Variants in GABPB1 observed in about 807,000 individuals in gnomAD.
GABPB1 encodes GA-binding protein subunit beta-1.
In GABPB1, 15 loss-of-function variants were observed where a neutral mutation model predicts 45.9. The ratio of observed to expected loss-of-function variants is 0.33; its 90% CI spans 0.22 to 0.50. The LOEUF (loss-of-function observed/expected upper bound fraction) is 0.50. Among genes scored for constraint, GABPB1 ranks in the 20% least tolerant of loss-of-function variants. GABPB1 has a pLI of 0.98. For synonymous variants in GABPB1, 143 were observed against 154.4 expected (o/e 0.93, Z 0.55); for missense variants, 252 against 457.5 (o/e 0.55, Z 4.10).
chr15:50,334,215 T>C (rs1248235300), intron 1 of GABPB1, among the ~76,000 whole-genome samples: 2 of 152,152 alleles, frequency 1.3e-5, no homozygotes, highest in African/African-American at 4.8e-5. Context: ...AATTCTGGTT[T>C]GGTATCTTTC....
intron 1 of GABPB1, among the ~76,000 whole-genome samples, chr15:50,326,251 T>C (rs1164820417): frequency 1.3e-5 from 2 of 152,160 alleles, no homozygotes; most frequent in African/African-American, 4.8e-5. Context: ...TGGTGGTTCA[T>C]GCCCATAATC....
chr15:50,320,711 C>T (rs2047536862), intron 1 of GABPB1, among the ~76,000 whole-genome samples: 1 of 152,256 alleles, frequency 6.6e-6, no homozygotes, highest in East Asian at 1.9e-4. Context: ...AATCACAAGA[C>T]TTCTTATAAG....
rs2045833332 is a variant in GABPB1 at position 50,275,931 on chromosome 15, G to GT, written c.*2700_*2701insA. 1 of 152,172 alleles carries GT rather than the reference G, an allele frequency of 6.6e-6. No individual in the cohort carries two copies. The highest frequency in any genetic ancestry group is 2.1e-4 in the South Asian group (1 of 4,828). The allele number at this position is 152,172 out of a possible 1,614,324, so 9.4% of individuals were successfully genotyped here. On this transcript the variant is annotated 3_prime_UTR_variant, in exon 9 of 9. Coordinates refer to ENST00000380877, the MANE Select transcript of GABPB1 (RefSeq NM_016654.5). ...CTAGAGGTCCAGGGACTATACAGAG[G>GT]GAAGTGTTAAATCTGAATAAAGTAA... is the stretch of plus-strand genomic sequence containing the variant.
chr15:50,310,399 G>A (rs969897134), intron 1 of GABPB1, among the ~76,000 whole-genome samples: 24 of 152,174 alleles, frequency 1.6e-4, no homozygotes, highest in Non-Finnish European at 1.0e-4. Flanking sequence ...AGCCAAGCTG[G>A]TCTAAAATTT....
chr15:50,345,703 T>C (rs2048544355), intron 1 of GABPB1, among the ~76,000 whole-genome samples: 3 of 140,552 alleles, frequency 2.1e-5, no homozygotes, highest in Non-Finnish European at 3.1e-5. Context: ...AGTACAGATG[T>C]CTGTACATTT....
intron 1 of GABPB1, among the ~76,000 whole-genome samples, chr15:50,344,061 C>T (rs1467774337): frequency 1.3e-5 from 2 of 152,180 alleles, no homozygotes; most frequent in East Asian, 1.9e-4. Context: ...TTGTTCATTA[C>T]TATAACATCA....
intron 1 of GABPB1, among the ~76,000 whole-genome samples, chr15:50,310,831 G>T (rs1271455250): frequency 2.0e-5 from 3 of 151,922 alleles, no homozygotes; most frequent in Non-Finnish European, 4.4e-5. Flanking sequence ...TAAAAAATTG[G>T]CTGGGCATGG....
chr15:50,287,654 G>C (rs1452508155), intron 7 of GABPB1, among the ~76,000 whole-genome samples: 1 of 152,214 alleles, frequency 6.6e-6, no homozygotes, highest in Admixed American at 6.5e-5. Context: ...TTAGCCTTCA[G>C]AGCTGTGAGA....
At chr15:50,340,268 T>C (rs2048302532) in intron 1 of GABPB1, among the ~76,000 whole-genome samples, 1 of 152,304 alleles carries the variant, frequency 6.6e-6, no homozygotes, top group Admixed American at 6.5e-5. Context: ...ATTTCTATTG[T>C]TTATAAGTCA....
intron 7 of GABPB1, 92 bp from the exon 8 acceptor site, chr15:50,286,275 A>G: frequency 3.8e-6 from 3 of 789,400 alleles, no homozygotes; most frequent in Non-Finnish European, 5.5e-6. Flanking sequence ...CTACTCATCT[A>G]AAATAACTAC....
intron 1 of GABPB1, among the ~76,000 whole-genome samples, chr15:50,323,825 C>G (rs1481958712): frequency 6.6e-6 from 1 of 152,128 alleles, no homozygotes; most frequent in Non-Finnish European, 1.5e-5. Context: ...TGAGCCATGA[C>G]TGTGCCACTG....
chr15:50,300,925 T>C (rs1363068660), intron 5 of GABPB1, 23 bp from the exon 6 acceptor site: 2 of 1,381,520 alleles, frequency 1.4e-6, no homozygotes, highest in Non-Finnish European at 2.1e-6. Flanking sequence ...AGAAAATAGA[T>C]TTGAATTTCT....
chr15:50,344,284 C>T (rs74767735), intron 1 of GABPB1, among the ~76,000 whole-genome samples: 3,082 of 152,264 alleles, frequency 0.02, 105 homozygotes, highest in African/African-American at 0.071. Context: ...TTGTAAACAA[C>T]TGGGAGTCAT....
At chr15:50,291,421 C>T (rs746925296) in intron 6 of GABPB1, among the ~76,000 whole-genome samples, 41 of 151,688 alleles carry the variant, frequency 2.7e-4, no homozygotes, top group Non-Finnish European at 2.1e-4. Context: ...CGAGTTCAAG[C>T]GATTCTTCTG....
intron 1 of GABPB1, among the ~76,000 whole-genome samples, chr15:50,333,054 CTT>C (rs1366780407): frequency 2.0e-5 from 3 of 151,182 alleles, no homozygotes; most frequent in Non-Finnish European, 2.9e-5. Context: ...GGCTTAATAA[CTT>C]ATTAATAACT....
rs2045861021 is a variant in GABPB1, at chr15:50,277,625, A to AT, written c.*1006dup. 2 of 152,508 alleles carry AT rather than the reference A, an allele frequency of 1.3e-5. No homozygotes were observed. The highest frequency in any genetic ancestry group is 6.5e-5 in the Admixed American group (1 of 15,272). The allele number at this position is 152,508 out of a possible 1,614,324, so 9.4% of individuals were successfully genotyped here. On this transcript the variant is annotated 3_prime_UTR_variant, in exon 9 of 9. Coordinates refer to ENST00000380877, the MANE Select transcript of GABPB1 (RefSeq NM_016654.5). ...AGTTCCTGTTCTACATACAAAAGCA[A>AT]TTTTTTTCCGTAAGAATCATTTCCT...
At chr15:50,310,162 G>A (rs995270237) in intron 1 of GABPB1, among the ~76,000 whole-genome samples, 2 of 152,168 alleles carry the variant, frequency 1.3e-5, no homozygotes, top group Non-Finnish European at 2.9e-5. Context: ...GCACGATGTT[G>A]GCTCACTGCA....
At chr15:50,295,305 C>A (rs950940505) in intron 6 of GABPB1, among the ~76,000 whole-genome samples, 5 of 152,158 alleles carry the variant, frequency 3.3e-5, no homozygotes, top group Middle Eastern at 3.2e-3. Flanking sequence ...CACCTTCAAC[C>A]ACCTTGAGTG....
rs980831235 is a variant in GABPB1, at chr15:50,340,568, A to C, written c.-1+14417T>G. ...TCACCAAAAAAAAAAAAAAAAAAAAAAAACATTACCACATAACACTGCTCT... is the reference window on the plus strand; with the variant it reads ...TCACCAAAAAAAAAAAAAAAAAAAACAAACATTACCACATAACACTGCTCT... On this transcript the variant is annotated intron_variant, in intron 1 of 8. Coordinates refer to ENST00000380877, the MANE Select transcript of GABPB1 (RefSeq NM_016654.5). 2.3e-5 allele frequency among the ~76,000 whole-genome samples: 3 copies of C among 129,592 alleles called. No homozygotes were observed. The South Asian group carries it at 7.4e-4, about 32-fold the overall frequency. The allele number at this position is 129,592 out of a possible 152,430, so 85.0% of individuals were successfully genotyped here.
Sources: allele counts gnomAD v4.1 joint callset (sites outside exome capture counted in the v4.1 genomes callset), GRCh38; gene constraint gnomAD v4.1.1; transcripts MANE v1.5; gene names NCBI Gene and HGNC (gene_info 2026-07-23, HGNC 2026-07-21).